Variants in HCN1 observed in about 807,000 individuals in gnomAD.
HCN1 encodes hyperpolarization activated cyclic nucleotide gated potassium channel 1.
Under a neutral mutation model 78.9 loss-of-function variants are expected in HCN1, and 13 were observed. The observed-to-expected ratio is 0.16, with a 90% CI of 0.11 to 0.26. The LOEUF (loss-of-function observed/expected upper bound fraction) is 0.26, where lower values mean the gene tolerates loss of function less well. Among genes scored for constraint, HCN1 ranks in the 10% least tolerant of loss-of-function variants. The pLI is 1.00. For synonymous variants in HCN1, 552 were observed against 455.5 expected (o/e 1.21, Z -2.70); for missense variants, 810 against 1,154.3 (o/e 0.70, Z 4.32).
At chr5:45,512,676 C>T (rs754723061) in intron 2 of HCN1, among the ~76,000 whole-genome samples, 5 of 151,990 alleles carry the variant, frequency 3.3e-5, no homozygotes, top group Non-Finnish European at 7.4e-5. Context: ...TGGTGTGGCA[C>T]TGAATTCCAC....
chr5:45,332,882 T>C (rs1382626401), intron 5 of HCN1, among the ~76,000 whole-genome samples: 1 of 151,770 alleles, frequency 6.6e-6, no homozygotes, highest in Non-Finnish European at 1.5e-5. Flanking sequence ...TCCTTTTCCA[T>C]TCATATGTTG....
At position 45,485,989 on chromosome 5, in the gene HCN1, C is replaced by A. The variant is rs900267327; in HGVS notation, c.850-23982G>T. Among the ~76,000 whole-genome samples, 147 of 152,094 alleles carry A rather than the reference C, an allele frequency of 9.7e-4. 1 individual carries two copies. Among genetic ancestry groups the A allele is most frequent in the African/African-American group, 3.5e-3 (143 of 41,418 alleles). ...TGTTTACCATTGTATTTGAGTTATG[C>A]ACTATCAGTATATTAATTCACAAGT... On this transcript the variant is annotated intron_variant, in intron 2 of 7. Transcript: ENST00000303230.
intron 2 of HCN1, among the ~76,000 whole-genome samples, chr5:45,549,692 C>A (rs929729025): frequency 1.1e-4 from 16 of 151,714 alleles, no homozygotes; most frequent in African/African-American, 3.4e-4. Context: ...AAAGAAACTA[C>A]CATCAGAGTG....
At chr5:45,465,608 A>C (rs979124647) in intron 2 of HCN1, among the ~76,000 whole-genome samples, 2 of 151,882 alleles carry the variant, frequency 1.3e-5, no homozygotes, top group African/African-American at 4.8e-5. Flanking sequence ...TGCAAAAATT[A>C]CCCGGGCGTG....
chr5:45,656,001 A>G (rs1167002745), intron 1 of HCN1, among the ~76,000 whole-genome samples: 1 of 152,176 alleles, frequency 6.6e-6, no homozygotes, highest in Non-Finnish European at 1.5e-5. Flanking sequence ...GTACTGTGAG[A>G]AATGCATACA....
At chr5:45,376,881 G>A (rs935545841) in intron 4 of HCN1, among the ~76,000 whole-genome samples, 2 of 151,938 alleles carry the variant, frequency 1.3e-5, no homozygotes, top group African/African-American at 4.8e-5. Context: ...TGATTTCTTA[G>A]AAGATTTCAG....
At chr5:45,684,417 A>T (rs1400273664) in intron 1 of HCN1, among the ~76,000 whole-genome samples, 1 of 152,216 alleles carries the variant, frequency 6.6e-6, no homozygotes, top group African/African-American at 2.4e-5. Context: ...ACAGGTGTCC[A>T]AACTTTTCAT....
intron 2 of HCN1, among the ~76,000 whole-genome samples, chr5:45,639,354 A>G (rs1745412258): frequency 6.6e-6 from 1 of 152,202 alleles, no homozygotes; most frequent in Non-Finnish European, 1.5e-5. Context: ...TTTCAGAAAG[A>G]TGTCATCATA....
At chr5:45,632,447 A>G (rs565327228) in intron 2 of HCN1, among the ~76,000 whole-genome samples, 5 of 152,200 alleles carry the variant, frequency 3.3e-5, no homozygotes, top group East Asian at 1.9e-4. Flanking sequence ...TTCTGCTTCC[A>G]TAAAGGTAAA....
intron 2 of HCN1, among the ~76,000 whole-genome samples, chr5:45,462,396 T>C (rs1741180282): frequency 6.6e-6 from 1 of 152,132 alleles, no homozygotes; most frequent in Non-Finnish European, 1.5e-5. Context: ...GTTATATTAA[T>C]AGATTTGTTG....
chr5:45,338,072 C>T (rs1322457443), intron 5 of HCN1, among the ~76,000 whole-genome samples: 1 of 152,078 alleles, frequency 6.6e-6, no homozygotes, highest in Non-Finnish European at 1.5e-5. Context: ...TTTACATCTT[C>T]GGGCTTCACA....
chr5:45,549,517 A>C (rs1263151551), intron 2 of HCN1, among the ~76,000 whole-genome samples: 1 of 152,226 alleles, frequency 6.6e-6, no homozygotes, highest in South Asian at 2.1e-4. Context: ...TAAAGACTCA[A>C]ATGTTAGACC....
chr5:45,268,408 G>C, intron 6 of HCN1, among the ~76,000 whole-genome samples: 1 of 152,110 alleles, frequency 6.6e-6, no homozygotes, highest in East Asian at 1.9e-4. Context: ...AATTTGAAAA[G>C]AGAAATGATA....
chr5:45,462,647 T>C (rs1300615958), intron 2 of HCN1, among the ~76,000 whole-genome samples: 3 of 152,116 alleles, frequency 2.0e-5, no homozygotes, highest in African/African-American at 7.2e-5. Context: ...TTTTGTATTT[T>C]TATGGTACAG....
chr5:45,457,245 A>C (rs2111614315), intron 3 of HCN1, among the ~76,000 whole-genome samples: 1 of 152,194 alleles, frequency 6.6e-6, no homozygotes, highest in South Asian at 2.1e-4. Context: ...TACGCAAGTT[A>C]ACGTGCATCA....
chr5:45,403,811 G>A lies in HCN1; in HGVS notation c.1012-7101C>T, dbSNP rs73099501. On this transcript the variant is annotated intron_variant, in intron 3 of 7. Coordinates refer to ENST00000303230, the MANE Select transcript of HCN1 (RefSeq NM_021072.4). Reference sequence around the variant, plus strand: ...GGTACATGGTTCTAAACTGTTCAAAGCACCAATTATTATGTTAAACTAGTT... The same window carrying A: ...GGTACATGGTTCTAAACTGTTCAAAACACCAATTATTATGTTAAACTAGTT... 8.6e-3 allele frequency among the ~76,000 whole-genome samples: 1,304 copies of A among 152,204 alleles called. 24 individuals are homozygous for A. The highest frequency in any genetic ancestry group is 0.031 in the African/African-American group (1,277 of 41,522).
intron 6 of HCN1, among the ~76,000 whole-genome samples, chr5:45,293,086 A>G (rs1277167899): frequency 6.6e-6 from 1 of 152,032 alleles, no homozygotes; most frequent in African/African-American, 2.4e-5. Flanking sequence ...ATAACAGAAC[A>G]ATTTACATTC....
At chr5:45,381,813 T>C (rs1208753117) in intron 4 of HCN1, among the ~76,000 whole-genome samples, 1 of 152,150 alleles carries the variant, frequency 6.6e-6, no homozygotes, top group Admixed American at 6.6e-5. Context: ...TAACTGGACC[T>C]ACACCCCACA....
At chr5:45,330,055 G>A (rs1177745402) in intron 5 of HCN1, among the ~76,000 whole-genome samples, 1 of 151,146 alleles carries the variant, frequency 6.6e-6, no homozygotes, top group Admixed American at 6.6e-5. Flanking sequence ...ATAATATAGA[G>A]TGTGTCCATG....
Sources: allele counts gnomAD v4.1 joint callset (sites outside exome capture counted in the v4.1 genomes callset), GRCh38; gene constraint gnomAD v4.1.1; transcripts MANE v1.5; gene names NCBI Gene and HGNC (gene_info 2026-07-23, HGNC 2026-07-21).